Variants in PCDHA11 observed in about 807,000 individuals in gnomAD.
PCDHA11 encodes the protein protocadherin alpha 11.
PCDHA11 carries 61 observed loss-of-function variants against 70.3 expected under a neutral mutation model. The observed-to-expected ratio is 0.87, with a 90% confidence interval of 0.71 to 1.07. The LOEUF (loss-of-function observed/expected upper bound fraction) is 1.07. PCDHA11 is among the 50% of genes least tolerant of loss of function. The probability of loss-of-function intolerance (pLI) is 0.00; values close to 1 mark genes in which losing one functional copy is unlikely to be tolerated. For missense variants in PCDHA11, 1,324 were observed against 1,237.5 expected, an observed-to-expected ratio of 1.07 and a Z score of -1.05; for synonymous variants, 633 against 555.1, an observed-to-expected ratio of 1.14 and a Z score of -1.97.
At chr5:140,919,376 CAT>C (rs1245050758) in intron 1 of PCDHA11, among the ~76,000 whole-genome samples, 1 of 152,192 alleles carries the variant, frequency 6.6e-6, no homozygotes, top group Non-Finnish European at 1.5e-5. Context: ...GCAGACAACA[CAT>C]AGTTGGATGT....
At chr5:140,929,357 G>A (rs1554207016) in intron 1 of PCDHA11, 14 of 1,523,448 alleles carry the variant, frequency 9.2e-6, no homozygotes, top group Non-Finnish European at 1.2e-5. Flanking sequence ...TGATTCCTTT[G>A]GCCCGGAGAT....
At chr5:140,871,651 T>C (rs1415489448) in intron 1 of PCDHA11, 157 bp downstream of exon 1, 20 of 1,258,470 alleles carry the variant, frequency 1.6e-5, no homozygotes, top group Non-Finnish European at 1.9e-5. Flanking sequence ...TACCAAATGA[T>C]ACACATCTTC....
At chr5:140,956,933 A>G (rs1243678543) in intron 1 of PCDHA11, among the ~76,000 whole-genome samples, 1 of 151,594 alleles carries the variant, frequency 6.6e-6, no homozygotes, top group Non-Finnish European at 1.5e-5. Flanking sequence ...TGGATATAGG[A>G]TAAAATTTAC....
chr5:140,997,107 C>T (rs1346636277), intron 3 of PCDHA11, among the ~76,000 whole-genome samples: 3 of 152,094 alleles, frequency 2.0e-5, no homozygotes, highest in African/African-American at 7.2e-5. Flanking sequence ...TCATGCACTC[C>T]TGCTCTCCCA....
intron 1 of PCDHA11, chr5:140,969,137 T>A (rs1326685727): frequency 6.2e-7 from 1 of 1,614,036 alleles, no homozygotes. Flanking sequence ...CACCAAGACC[T>A]ACTGCTACAA....
chr5:140,870,228 C>T lies in PCDHA11; in HGVS notation c.1125C>T (p.Asp375=). 6.2e-7 allele frequency: 1 copy of T among 1,614,186 alleles called. No individual in the cohort carries two copies. Among genetic ancestry groups the T allele is most frequent in the South Asian group, 1.1e-5 (1 of 91,090 alleles). Residue 375 remains aspartate (D), a synonymous_variant, in exon 1 of 4, where the codon GAC becomes GAT. Coordinates refer to ENST00000398640, the MANE Select transcript of PCDHA11 (RefSeq NM_018902.5). ...TCATTGCCCTGATCAGCGTGTCTGA[C>T]CGTGACTCAGGTGTCAACGGACAGG... is the stretch of plus-strand genomic sequence containing the variant. The part of the protein sequence containing the change: ...STVIALISVS[D]RDSGVNGQVT...
intron 1 of PCDHA11, among the ~76,000 whole-genome samples, chr5:140,896,002 G>A (rs1485647299): frequency 1.3e-5 from 2 of 152,082 alleles, no homozygotes; most frequent in Non-Finnish European, 2.9e-5. Flanking sequence ...GTAGAGACAG[G>A]GTTTCTCCAT....
chr5:140,926,180 C>A (rs1341994925), intron 1 of PCDHA11, among the ~76,000 whole-genome samples: 1 of 151,710 alleles, frequency 6.6e-6, no homozygotes, highest in Admixed American at 6.6e-5. Flanking sequence ...CGCGGAAAGC[C>A]CCCCGCAGCA....
intron 1 of PCDHA11, among the ~76,000 whole-genome samples, chr5:140,959,312 C>G (rs2095480226): frequency 6.6e-6 from 1 of 151,968 alleles, no homozygotes; most frequent in South Asian, 2.1e-4. Flanking sequence ...GTGGTTGAAG[C>G]TGCAATAAGT....
intron 1 of PCDHA11, chr5:140,875,768 G>A (rs997656321): frequency 6.2e-7 from 1 of 1,614,262 alleles, no homozygotes; most frequent in Non-Finnish European, 8.5e-7. Context: ...TGCGGGCGGA[G>A]CGCGGAGTGC....
chr5:140,906,718 G>C (rs1554192673), intron 1 of PCDHA11, among the ~76,000 whole-genome samples: 1 of 152,140 alleles, frequency 6.6e-6, no homozygotes, highest in Admixed American at 6.5e-5. Flanking sequence ...TGCCTGGATT[G>C]TGCTGTTGTA....
At chr5:140,953,419 C>T (rs2094885258) in intron 1 of PCDHA11, among the ~76,000 whole-genome samples, 2 of 152,134 alleles carry the variant, frequency 1.3e-5, no homozygotes, top group Admixed American at 1.3e-4. Context: ...GGCTCCTCCC[C>T]TTTGTCCTTA....
chr5:141,009,003 A>G (rs782499793), intron 3 of PCDHA11, among the ~76,000 whole-genome samples: 16 of 152,220 alleles, frequency 1.1e-4, no homozygotes, highest in Non-Finnish European at 1.5e-4. Flanking sequence ...AAAGGAGCAT[A>G]TTTTGCCTTT....
intron 3 of PCDHA11, among the ~76,000 whole-genome samples, chr5:140,995,493 G>T (rs1427672474): frequency 6.6e-6 from 1 of 152,148 alleles, no homozygotes; most frequent in Non-Finnish European, 1.5e-5. Flanking sequence ...TCAGACTAAG[G>T]TTGACTGTGG....
At chr5:140,977,246 C>T (rs939682133) in intron 1 of PCDHA11, among the ~76,000 whole-genome samples, 1 of 152,172 alleles carries the variant, frequency 6.6e-6, no homozygotes, top group Non-Finnish European at 1.5e-5. Flanking sequence ...AAATTGGCAA[C>T]ATTTCTCAGC....
Position 141,009,935 on chromosome 5 carries a change from T to TGAG in PCDHA11, c.2850_*2dup. Reference sequence around the variant, plus strand: ...CAGCACGACTGACAACAGTGACCAGTGAGGTCCTCAAATGGAAACAAGCCA... The same window carrying TGAG: ...CAGCACGACTGACAACAGTGACCAGTGAGGAGGTCCTCAAATGGAAACAAGCCA... On this transcript the variant is annotated inframe_insertion and stop_retained_variant, in exon 4 of 4. Transcript: ENST00000398640. 6.2e-7 allele frequency: 1 copy of TGAG among 1,602,418 alleles called. No individual in the cohort carries two copies. The highest frequency in any genetic ancestry group is 8.5e-7 in the Non-Finnish European group (1 of 1,176,054).
In PCDHA11 at chr5:141,009,709, C is replaced by A; in HGVS notation, c.2622C>A (p.Asn874Lys). The A allele has an allele frequency of 6.2e-7, 1 of 1,614,118 alleles. No homozygotes were observed. Among genetic ancestry groups the A allele is most frequent in the Non-Finnish European group, 8.5e-7 (1 of 1,180,024 alleles). Reference sequence around the variant, plus strand: ...GGACCTTTAAATACGGACCAGGCAACCCCAAACAATCCGGTCCCGGTGAGT... The same window carrying A: ...GGACCTTTAAATACGGACCAGGCAAACCCAAACAATCCGGTCCCGGTGAGT... ...NSWTFKYGPG[N>K]PKQSGPGELP... is the part of the protein sequence containing the mutation. The change falls in exon 4 of 4, where the codon AAC (asparagine) becomes AAA (lysine). Residue 874 changes from asparagine (N) to lysine (K), a missense_variant. Physicochemically the swap from Asn to Lys is moderately conservative, Grantham distance 94. Transcript: ENST00000398640.
At chr5:140,883,890 G>T (rs2153398485) in intron 1 of PCDHA11, 1 of 1,613,462 alleles carries the variant, frequency 6.2e-7, no homozygotes, top group Non-Finnish European at 8.5e-7. Context: ...CGCGACTCTG[G>T]CGTGCCGCCT....
At chr5:140,987,227 A>T (rs1410526870) in intron 3 of PCDHA11, among the ~76,000 whole-genome samples, 2 of 151,696 alleles carry the variant, frequency 1.3e-5, no homozygotes, top group African/African-American at 4.8e-5. Context: ...AAAAAAAAAA[A>T]TAATAAATAA....
Sources: allele counts gnomAD v4.1 joint callset (sites outside exome capture counted in the v4.1 genomes callset), GRCh38; gene constraint gnomAD v4.1.1; transcripts MANE v1.5; gene names NCBI Gene and HGNC (gene_info 2026-07-23, HGNC 2026-07-21).